DDX54: variants seen among roughly 807,000 people sequenced by gnomAD.
DDX54 encodes the protein DEAD-box helicase 54.
A neutral mutation model predicts 105.5 loss-of-function variants in DDX54; 67 were observed. The observed-to-expected ratio is 0.64, with a 90% CI of 0.52 to 0.78. The LOEUF is 0.78. Among genes scored for constraint, DDX54 ranks in the 30% least tolerant of loss-of-function variants. The pLI is 0.00. For synonymous variants in DDX54, 514 were observed against 509.9 expected (o/e 1.01, Z -0.11); for missense variants, 1,206 against 1,230.5 (o/e 0.98, Z 0.30).
intron 11 of DDX54, among the ~76,000 whole-genome samples, chr12:113,172,122 GTTT>G (rs907414703): frequency 2.8e-5 from 4 of 141,486 alleles, no homozygotes; most frequent in African/African-American, 7.7e-5. Flanking sequence ...TAATTGGGTT[GTTT>G]TTTTTTTTTG....
intron 1 of DDX54, among the ~76,000 whole-genome samples, chr12:113,182,006 A>T (rs923579561): frequency 7.9e-5 from 12 of 152,180 alleles, no homozygotes; most frequent in Non-Finnish European, 1.5e-4. Flanking sequence ...AGAAAAAAAA[A>T]AAAGCATTTA....
At position 113,163,945 on chromosome 12, in the gene DDX54, A is replaced by G; in HGVS notation, c.1938+122T>C. On this transcript the variant is annotated intron_variant, in intron 15 of 19. Coordinates refer to ENST00000306014, the MANE Select transcript of DDX54 (RefSeq NM_024072.4). The surrounding 1 kb of genome is among the most constrained non-coding windows in gnomAD (Gnocchi z 5.9). ...ACCATGCCCCGACTCTGCAGATGGG[A>G]AGCTGACTGCATCCACCTCCATCCA... is the stretch of plus-strand genomic sequence containing the variant. 1.4e-6 allele frequency: 2 copies of G among 1,426,828 alleles called. No individual in the cohort carries two copies. The highest frequency in any genetic ancestry group is 3.1e-5 in the South Asian group (2 of 65,416). The allele number at this position is 1,426,828 out of a possible 1,614,324, so 88.4% of individuals were successfully genotyped here.
intron 18 of DDX54, 76 bp from the exon 19 acceptor site, chr12:113,161,458 A>C: frequency 8.3e-7 from 1 of 1,206,714 alleles, no homozygotes; most frequent in Non-Finnish European, 1.2e-6. Context: ...GCCCCAGCAG[A>C]CAGAGTTCCG....
intron 11 of DDX54, 151 bp from the exon 12 acceptor site, chr12:113,170,055 C>G: frequency 8.8e-7 from 1 of 1,136,020 alleles, no homozygotes; most frequent in Non-Finnish European, 1.2e-6. Flanking sequence ...AAGTTTAATC[C>G]CGGTCCCTAG....
At chr12:113,181,152 A>G in intron 1 of DDX54, 94 bp from the exon 2 acceptor site, 1 of 1,417,976 alleles carries the variant, frequency 7.1e-7, no homozygotes, top group Non-Finnish European at 9.3e-7. Context: ...TCTCTCCCCC[A>G]TTCAAGCCAA....
At chr12:113,175,765 G>A (rs887495852) in intron 7 of DDX54, among the ~76,000 whole-genome samples, 3 of 151,876 alleles carry the variant, frequency 2.0e-5, no homozygotes, top group African/African-American at 7.3e-5. Flanking sequence ...CTCCAGCCTG[G>A]GCAACAGAGT....
In DDX54 at chr12:113,175,525, G is replaced by C. The variant is rs575453763; in HGVS notation, c.753-368C>G. On this transcript the variant is annotated intron_variant, in intron 7 of 19. Coordinates refer to ENST00000306014, the MANE Select transcript of DDX54 (RefSeq NM_024072.4). ...AGCTGGGGCCGGGCGCAGTGGCTCA[G>C]GCCTGTAATCCCAAGCACTTTGGGA... 7.2e-5 allele frequency among the ~76,000 whole-genome samples: 11 copies of C among 152,228 alleles called. No individual in the cohort carries two copies. The East Asian group carries it at 1.4e-3, about 19-fold the overall frequency.
intron 1 of DDX54, among the ~76,000 whole-genome samples, chr12:113,183,569 C>T (rs1030669731): frequency 2.6e-5 from 4 of 152,270 alleles, no homozygotes; most frequent in Admixed American, 6.5e-5. Context: ...CCGCTGGGAA[C>T]AGGACTGTGG....
At chr12:113,162,124 A>G (rs1415845631) in intron 17 of DDX54, 127 bp from the exon 18 acceptor site, 3 of 846,336 alleles carry the variant, frequency 3.5e-6, no homozygotes, top group Non-Finnish European at 5.8e-6. Context: ...AAAGCAGTGC[A>G]GCCATGTCTG....
chr12:113,173,824 T>G (rs148011728), intron 10 of DDX54, among the ~76,000 whole-genome samples: 2 of 152,256 alleles, frequency 1.3e-5, no homozygotes, highest in African/African-American at 4.8e-5. Context: ...TGTACCTAGA[T>G]AACGAGTACC....
chr12:113,183,148 C>T (rs1365037422), intron 1 of DDX54, among the ~76,000 whole-genome samples: 3 of 152,248 alleles, frequency 2.0e-5, no homozygotes, highest in African/African-American at 4.8e-5. Context: ...GCATGAGCCA[C>T]GGCACCGGGC....
At position 113,173,499 on chromosome 12, in the gene DDX54, T is replaced by A. The variant is rs141558660; in HGVS notation, c.1069-936A>T. On this transcript the variant is annotated intron_variant, in intron 10 of 19. Transcript: ENST00000306014. ...CTCAGATAACAGACCCAGGTGTAGC[T>A]GACAGGGAGGCAGGCACCAACGGAA... Among the ~76,000 whole-genome samples, 1,000 of 152,286 alleles carry A rather than the reference T, an allele frequency of 6.6e-3. 10 individuals carry two copies. The highest frequency in any genetic ancestry group is 0.023 in the African/African-American group (965 of 41,564).
chr12:113,181,352 G>A (rs1387938701), intron 1 of DDX54, among the ~76,000 whole-genome samples: 1 of 151,756 alleles, frequency 6.6e-6, no homozygotes, highest in Non-Finnish European at 1.5e-5. Context: ...GAGTACAGCA[G>A]TGCAGGCATG....
intron 14 of DDX54, 54 bp downstream of exon 14, chr12:113,165,590 C>T (rs1952261460): frequency 1.3e-6 from 2 of 1,528,776 alleles, no homozygotes; most frequent in South Asian, 1.3e-5. Context: ...CCATCTGTCT[C>T]TGGGCTCCAC....
intron 1 of DDX54, among the ~76,000 whole-genome samples, chr12:113,181,680 C>T (rs192289943): frequency 1.3e-5 from 2 of 152,018 alleles, no homozygotes; most frequent in Admixed American, 6.6e-5. Context: ...CAAGATCTCC[C>T]GCCCCCTACC....
chr12:113,185,420 G>C lies in DDX54; in HGVS notation c.32C>G (p.Pro11Arg). ...CTGGGCCATGGCAGCTCGCGACCGA[G>C]GTCCAGCCGCCGGGCCCTTGTCGGC... MAADKGPAAG[P>R]RSRAAMAQWR... The change falls in exon 1 of 20, where the codon CCT becomes CGT. Residue 11 changes from proline (P) to arginine (R), a missense_variant. Pro to Arg is a moderately radical substitution (Grantham distance 103, BLOSUM62 -2). Transcript: ENST00000306014. The C allele has an allele frequency of 6.5e-7, 1 of 1,528,186 alleles. No homozygotes were observed. Among genetic ancestry groups the C allele is most frequent in the Non-Finnish European group, 8.8e-7 (1 of 1,140,480 alleles). The allele number at this position is 1,528,186 out of a possible 1,614,324, so 94.7% of individuals were successfully genotyped here.
intron 12 of DDX54, 44 bp downstream of exon 12, chr12:113,169,726 A>G: frequency 6.2e-7 from 1 of 1,600,912 alleles, no homozygotes; most frequent in Non-Finnish European, 8.5e-7. Flanking sequence ...AACAGGGCCC[A>G]TGAACTCCAC....
In DDX54 at chr12:113,185,283, G is replaced by T; in HGVS notation, c.169C>A (p.Arg57=). 6.4e-7 allele frequency: 1 copy of T among 1,565,848 alleles called. No homozygotes were observed. Among genetic ancestry groups the T allele is most frequent in the Non-Finnish European group, 8.6e-7 (1 of 1,158,350 alleles). Reference sequence around the variant, plus strand: ...TCCCAGCCCCACGCGCCTACCTTCCGGGCCCGGGCGTCATCTTCCGCCTGG... The same window carrying T: ...TCCCAGCCCCACGCGCCTACCTTCCTGGCCCGGGCGTCATCTTCCGCCTGG... The part of the protein sequence containing the change: ...EIQAEDDARA[R]KLGPGRPLPT... Residue 57 remains arginine (R), a synonymous_variant, in exon 1 of 20, where the codon CGG becomes AGG. Transcript: ENST00000306014.
At chr12:113,165,578 G>A (rs1227615164) in intron 14 of DDX54, 66 bp downstream of exon 14, 1 of 1,493,280 alleles carries the variant, frequency 6.7e-7, no homozygotes, top group African/African-American at 1.4e-5. Context: ...CCAGGCCACA[G>A]GCCATCTGTC....
Sources: gnomAD v4.1 joint callset for allele counts (sites outside exome capture counted in the v4.1 genomes callset) on GRCh38, gnomAD v4.1.1 for gene constraint, Gnocchi (gnomAD v3.1) non-coding constraint, MANE v1.5 for transcripts, NCBI Gene and HGNC (gene_info 2026-07-23, HGNC 2026-07-21) for gene names.